The following ERBB4 variants were observed in gnomAD, a reference collection of about 807,000 sequenced individuals.
ERBB4 encodes the protein receptor tyrosine-protein kinase erbB-4.
ERBB4 carries 42 observed loss-of-function variants against 158.0 expected under a neutral mutation model. That is an observed-to-expected ratio of 0.27 (90% CI 0.21 to 0.34). ERBB4 has a LOEUF of 0.34. Among genes scored for constraint, ERBB4 ranks in the 10% least tolerant of loss-of-function variants. ERBB4 has a pLI of 1.00. For missense variants in ERBB4, 1,333 were observed against 1,624.1 expected, an observed-to-expected ratio of 0.82 and a Z score of 3.08; for synonymous variants, 583 against 558.7, an observed-to-expected ratio of 1.04 and a Z score of -0.61.
Position 211,662,038 on chromosome 2 carries a change from C to CAAAAAAAAAAAAAAAA in ERBB4, c.1871+3269_1871+3284dup, listed in dbSNP as rs61318918. ...TGGGCGACAGAGCGGGACTCCGTCT[C>CAAAAAAAAAAAAAAAA]AAAAAAAAAAAAAAAAAAAAAAAAA... On this transcript the variant is annotated intron_variant, in intron 15 of 27. Coordinates refer to ENST00000342788, the MANE Select transcript of ERBB4 (RefSeq NM_005235.3). 2.5e-4 allele frequency among the ~76,000 whole-genome samples: 10 copies of CAAAAAAAAAAAAAAAA among 39,702 alleles called. 1 individual carries two copies. The highest frequency in any genetic ancestry group is 1.6e-3 in the East Asian group (1 of 628). 26.0% of individuals were successfully genotyped at this position (39,702 alleles called of 152,430 possible).
rs2071592183 is a variant in ERBB4, at chr2:211,665,437, C to G, written c.1757G>C (p.Gly586Ala). The G allele has an allele frequency of 6.2e-7, 1 of 1,613,976 alleles. No homozygotes were observed. Among genetic ancestry groups the G allele is most frequent in the East Asian group, 2.2e-5 (1 of 44,872 alleles). ...TGGACATTTTTCCACACAGTTTGGG[C>G]CATCTTTAAAATGAGAGCACTTTGT... ...NCTKCSHFKD[G>A]PNCVEKCPDG... The change falls in exon 15 of 28, where the codon GGC becomes GCC. Residue 586 changes from glycine (G) to alanine (A), a missense_variant. Physicochemically the swap from Gly to Ala is moderately conservative, Grantham distance 60. Around this residue, in one of 5 missense-constraint regions of ERBB4, gnomAD observed 245 missense variants for 247.5 expected, o/e 0.99. Transcript: ENST00000342788.
At chr2:211,706,078 T>C (rs1364920237) in intron 9 of ERBB4, among the ~76,000 whole-genome samples, 1 of 152,144 alleles carries the variant, frequency 6.6e-6, no homozygotes, top group Non-Finnish European at 1.5e-5. Flanking sequence ...CACAGTAAGT[T>C]TTAAAATTTT....
intron 1 of ERBB4, among the ~76,000 whole-genome samples, chr2:212,513,683 C>T (rs891591801): frequency 6.6e-6 from 1 of 152,026 alleles, no homozygotes; most frequent in Non-Finnish European, 1.5e-5. Flanking sequence ...TAGTGGCCAG[C>T]GCCTGTAGTC....
chr2:211,895,343 G>A (rs552818692), intron 3 of ERBB4, among the ~76,000 whole-genome samples: 4 of 152,168 alleles, frequency 2.6e-5, no homozygotes, highest in South Asian at 2.1e-4. Context: ...CTTCAATCTC[G>A]AACTCCTGGG....
At position 211,716,362 on chromosome 2, in the gene ERBB4, C is replaced by CAAAAAA. The variant is rs534486221; in HGVS notation, c.884-2720_884-2715dup. ...GGGCAACAACAGTGAAACTCTGTCT[C>CAAAAAA]AAAAAAAAAAAAAAAAAAAAAAAAA... On this transcript the variant is annotated intron_variant, in intron 7 of 27. Coordinates refer to ENST00000342788, the MANE Select transcript of ERBB4 (RefSeq NM_005235.3). Among the ~76,000 whole-genome samples, 22 of 69,286 alleles carry CAAAAAA rather than the reference C, an allele frequency of 3.2e-4. 2 individuals carry two copies. The highest frequency in any genetic ancestry group is 1.2e-3 in the African/African-American group (14 of 11,564). The allele number at this position is 69,286 out of a possible 152,430, so 45.5% of individuals were successfully genotyped here.
At chr2:212,205,349 G>A (rs942979904) in intron 1 of ERBB4, among the ~76,000 whole-genome samples, 3 of 152,014 alleles carry the variant, frequency 2.0e-5, no homozygotes, top group African/African-American at 4.8e-5. Flanking sequence ...TAGTAGAGAC[G>A]GGGTTTCACC....
intron 3 of ERBB4, among the ~76,000 whole-genome samples, chr2:211,884,424 G>A (rs1443278290): frequency 1.3e-5 from 2 of 152,132 alleles, no homozygotes; most frequent in Non-Finnish European, 2.9e-5. Flanking sequence ...CGGCAGAAAA[G>A]TAATGTCTTA....
chr2:211,836,711 T>G (rs1446327952), intron 3 of ERBB4, among the ~76,000 whole-genome samples: 1 of 152,068 alleles, frequency 6.6e-6, no homozygotes, highest in Admixed American at 6.6e-5. Context: ...AGCCCTTCTA[T>G]GAATAGCAGT....
chr2:211,838,104 G>A lies in ERBB4; in HGVS notation c.422-49945C>T, dbSNP rs182455799. On this transcript the variant is annotated intron_variant, in intron 3 of 27. Transcript: ENST00000342788. ...TGAAAAAGTAGGAGTACCAGAGTGCGGAGAATCAACAGCAGAGCTGGTGTC... is the reference window on the plus strand; with the variant it reads ...TGAAAAAGTAGGAGTACCAGAGTGCAGAGAATCAACAGCAGAGCTGGTGTC... Among the ~76,000 whole-genome samples, 147 of 152,130 alleles carry A rather than the reference G, an allele frequency of 9.7e-4. 1 individual carries two copies. The East Asian group carries it at 0.015, about 16-fold the overall frequency.
At chr2:211,964,054 C>A (rs2125182673) in intron 2 of ERBB4, among the ~76,000 whole-genome samples, 1 of 152,218 alleles carries the variant, frequency 6.6e-6, no homozygotes, top group African/African-American at 2.4e-5. Flanking sequence ...GGAAACTGGA[C>A]AAAGACACAT....
At chr2:211,872,294 A>G (rs1420272452) in intron 3 of ERBB4, among the ~76,000 whole-genome samples, 1 of 152,208 alleles carries the variant, frequency 6.6e-6, no homozygotes, top group African/African-American at 2.4e-5. Context: ...TCAAGGATGG[A>G]TATAAAGTAC....
chr2:211,969,521 T>C (rs531046995), intron 2 of ERBB4, among the ~76,000 whole-genome samples: 12 of 152,150 alleles, frequency 7.9e-5, no homozygotes, highest in African/African-American at 2.6e-4. Context: ...AAGTTGAGAG[T>C]TGCAGAAGCT....
intron 2 of ERBB4, among the ~76,000 whole-genome samples, chr2:211,953,924 A>G (rs1415777157): frequency 6.6e-6 from 1 of 152,074 alleles, no homozygotes; most frequent in Admixed American, 6.6e-5. Context: ...TATTCTAGAG[A>G]CAATGTGAAA....
chr2:211,467,812 G>T (rs1433190958), intron 20 of ERBB4, among the ~76,000 whole-genome samples: 1 of 152,102 alleles, frequency 6.6e-6, no homozygotes, highest in Non-Finnish European at 1.5e-5. Context: ...CCACCAAAGG[G>T]TGATCTAGAT....
intron 3 of ERBB4, among the ~76,000 whole-genome samples, chr2:211,933,990 T>C (rs745738962): frequency 6.6e-6 from 1 of 152,042 alleles, no homozygotes; most frequent in African/African-American, 2.4e-5. Flanking sequence ...CTTAAGGCCA[T>C]ACACAAATTC....
intron 11 of ERBB4, among the ~76,000 whole-genome samples, chr2:211,702,744 A>G (rs2073298774): frequency 6.6e-6 from 1 of 152,202 alleles, no homozygotes; most frequent in Non-Finnish European, 1.5e-5. Context: ...AAAGAAAGCA[A>G]ACTCAGATGC....
intron 20 of ERBB4, among the ~76,000 whole-genome samples, chr2:211,488,429 T>C (rs562563686): frequency 1.8e-4 from 27 of 152,092 alleles, no homozygotes; most frequent in Non-Finnish European, 2.6e-4. Flanking sequence ...CATCACTGTA[T>C]TGAGAGTGCC....
chr2:212,188,072 T>C (rs534078340), intron 1 of ERBB4, among the ~76,000 whole-genome samples: 113 of 152,064 alleles, frequency 7.4e-4, no homozygotes, highest in African/African-American at 2.6e-3. Flanking sequence ...GCTCTAGAAT[T>C]CCTTAACTTA....
chr2:212,491,739 G>A (rs1471292065), intron 1 of ERBB4, among the ~76,000 whole-genome samples: 1 of 151,248 alleles, frequency 6.6e-6, no homozygotes, highest in Non-Finnish European at 1.5e-5. Context: ...TCATCCCTCA[G>A]TTTCTACGAT....
Sources: allele counts gnomAD v4.1 joint callset (sites outside exome capture counted in the v4.1 genomes callset), GRCh38; gene constraint gnomAD v4.1.1; regional missense constraint gnomAD v4.1.1; transcripts MANE v1.5; gene names NCBI Gene and HGNC (gene_info 2026-07-23, HGNC 2026-07-21).